The following STAU2 variants were observed in gnomAD, a reference collection of about 807,000 sequenced individuals.
STAU2 encodes double-stranded RNA-binding protein Staufen homolog 2.
Under a neutral mutation model 65.9 loss-of-function variants are expected in STAU2, and 20 were observed. That is an observed-to-expected ratio of 0.30 (90% CI 0.21 to 0.44). The LOEUF (loss-of-function observed/expected upper bound fraction) is 0.44, where lower values mean the gene tolerates loss of function less well. Among genes scored for constraint, STAU2 ranks in the 20% least tolerant of loss-of-function variants. The pLI is 1.00. For missense variants in STAU2, 558 were observed against 683.9 expected, an observed-to-expected ratio of 0.82 and a Z score of 2.05; for synonymous variants, 232 against 233.9, an observed-to-expected ratio of 0.99 and a Z score of 0.07.
At chr8:73,497,507 G>A (rs899347589) in intron 13 of STAU2, among the ~76,000 whole-genome samples, 2 of 151,630 alleles carry the variant, frequency 1.3e-5, no homozygotes, top group East Asian at 3.9e-4. Flanking sequence ...TAAAACAGGT[G>A]ATATAAAAGC....
chr8:73,625,293 G>A (rs1813553916), intron 6 of STAU2, among the ~76,000 whole-genome samples: 1 of 152,146 alleles, frequency 6.6e-6, no homozygotes, highest in South Asian at 2.1e-4. Context: ...ATTCCTAATA[G>A]TCAGAAAGTG....
intron 13 of STAU2, among the ~76,000 whole-genome samples, chr8:73,428,125 C>T (rs537149670): frequency 3.0e-4 from 46 of 152,268 alleles, no homozygotes; most frequent in African/African-American, 9.6e-4. Flanking sequence ...TATCATTTTC[C>T]CATTCCACCT....
At position 73,738,602 on chromosome 8, in the gene STAU2, T is replaced by C. The variant is rs569691070; in HGVS notation, c.-83-253A>G. ...AAATAATATTTAATTTTCTTTCATGTTCACTTGAATAACTACGTCACTAGT... is the reference window on the plus strand; with the variant it reads ...AAATAATATTTAATTTTCTTTCATGCTCACTTGAATAACTACGTCACTAGT... On this transcript the variant is annotated intron_variant, in intron 2 of 14. Transcript: ENST00000524300. 2.5e-4 allele frequency among the ~76,000 whole-genome samples: 38 copies of C among 152,340 alleles called. No homozygotes were observed. The South Asian group carries it at 7.9e-3, about 32-fold the overall frequency.
chr8:73,491,363 A>G (rs1821146060), intron 13 of STAU2, among the ~76,000 whole-genome samples: 1 of 151,990 alleles, frequency 6.6e-6, no homozygotes, highest in African/African-American at 2.4e-5. Context: ...TGTGAAGGCT[A>G]GCAGAGCAGT....
intron 13 of STAU2, among the ~76,000 whole-genome samples, chr8:73,442,725 T>TA (rs1342844683): frequency 6.6e-6 from 1 of 152,200 alleles, no homozygotes; most frequent in Non-Finnish European, 1.5e-5. Context: ...CTTGTAAGGT[T>TA]AAAAGTATAA....
intron 10 of STAU2, among the ~76,000 whole-genome samples, chr8:73,601,702 A>C (rs1811640054): frequency 6.6e-6 from 1 of 152,192 alleles, no homozygotes; most frequent in Non-Finnish European, 1.5e-5. Context: ...AGCACAGCCA[A>C]ATGTCCCCAT....
intron 13 of STAU2, among the ~76,000 whole-genome samples, chr8:73,532,512 C>A (rs1182553129): frequency 3.9e-5 from 6 of 152,028 alleles, no homozygotes; most frequent in African/African-American, 1.4e-4. Flanking sequence ...ACACAGGAGA[C>A]CCCATCTCTA....
intron 3 of STAU2, among the ~76,000 whole-genome samples, chr8:73,724,679 A>G (rs200702472): frequency 3.4e-4 from 34 of 100,108 alleles, no homozygotes; most frequent in South Asian, 8.1e-4. Flanking sequence ...GTGTGTGTAT[A>G]TATATATATA....
intron 13 of STAU2, chr8:73,511,594 G>C (rs1234856012): frequency 6.5e-6 from 1 of 152,820 alleles, no homozygotes; most frequent in East Asian, 1.9e-4. Context: ...TGTGGGACAG[G>C]GACAGCAAGA....
intron 13 of STAU2, among the ~76,000 whole-genome samples, chr8:73,461,459 A>T (rs1263210408): frequency 6.6e-6 from 1 of 152,112 alleles, no homozygotes; most frequent in Non-Finnish European, 1.5e-5. Context: ...TTATTGGATA[A>T]GCAGTGGAAG....
intron 6 of STAU2, among the ~76,000 whole-genome samples, chr8:73,658,149 A>G (rs1443296670): frequency 6.6e-6 from 1 of 152,162 alleles, no homozygotes; most frequent in Admixed American, 6.5e-5. Flanking sequence ...GAATCACCTG[A>G]GGTCAGGAGT....
At chr8:73,623,797 G>A (rs986065643) in intron 6 of STAU2, among the ~76,000 whole-genome samples, 12 of 152,108 alleles carry the variant, frequency 7.9e-5, no homozygotes, top group East Asian at 3.8e-4. Context: ...AAACTTGTAT[G>A]TATATAAAAT....
intron 1 of STAU2, 122 bp downstream of exon 1, chr8:73,746,661 G>T (rs1199766764): frequency 3.1e-5 from 17 of 539,886 alleles, no homozygotes; most frequent in Non-Finnish European, 4.4e-5. Context: ...GGCCGCGAAG[G>T]GGGCTGCTTT....
chr8:73,423,561 G>C (rs766470850), intron 13 of STAU2, among the ~76,000 whole-genome samples: 3 of 152,158 alleles, frequency 2.0e-5, no homozygotes, highest in Non-Finnish European at 4.4e-5. Flanking sequence ...TTTCATCCTG[G>C]GGCATCCCGC....
intron 13 of STAU2, among the ~76,000 whole-genome samples, chr8:73,516,571 G>A (rs1434429114): frequency 1.3e-5 from 2 of 152,062 alleles, no homozygotes; most frequent in Non-Finnish European, 2.9e-5. Context: ...ATAACTATTA[G>A]CAATGAAAGA....
chr8:73,656,367 T>C (rs934972065), intron 6 of STAU2, among the ~76,000 whole-genome samples: 18 of 152,242 alleles, frequency 1.2e-4, no homozygotes, highest in Admixed American at 8.5e-4. Flanking sequence ...TTATTTTTAA[T>C]GACGTGGCAA....
chr8:73,693,879 A>G (rs1819525314), intron 4 of STAU2, among the ~76,000 whole-genome samples: 1 of 152,270 alleles, frequency 6.6e-6, no homozygotes, highest in Non-Finnish European at 1.5e-5. Flanking sequence ...ATTAGAACAA[A>G]ATGGTGTAAA....
In STAU2 at chr8:73,739,801, CT is replaced by C. The variant is rs1806710321; in HGVS notation, c.-130del. On this transcript the variant is annotated 5_prime_UTR_variant, in exon 2 of 15. Transcript: ENST00000524300. ...TTACTTTGTGTATCTTTGAGTTCTTCTTTTTCTGTCTTCTTTTTTTTCTTCA... is the reference window on the plus strand; with the variant it reads ...TTACTTTGTGTATCTTTGAGTTCTTCTTTTCTGTCTTCTTTTTTTTCTTCA... 6.6e-7 allele frequency: 1 copy of C among 1,524,732 alleles called. No homozygotes were observed. The highest frequency in any genetic ancestry group is 2.4e-5 in the East Asian group (1 of 40,826). 94.5% of individuals were successfully genotyped at this position (1,524,732 alleles called of 1,614,324 possible).
chr8:73,744,871 C>T (rs1807163668), intron 1 of STAU2, among the ~76,000 whole-genome samples: 1 of 152,110 alleles, frequency 6.6e-6, no homozygotes, highest in Non-Finnish European at 1.5e-5. Context: ...TATTCTTATT[C>T]TTGCCATTTG....
Sources: gnomAD v4.1 joint callset for allele counts (sites outside exome capture counted in the v4.1 genomes callset) on GRCh38, gnomAD v4.1.1 for gene constraint, MANE v1.5 for transcripts, NCBI Gene and HGNC (gene_info 2026-07-23, HGNC 2026-07-21) for gene names.